The following ZFHX3 variants were observed in gnomAD, a reference collection of about 807,000 sequenced individuals.
The protein encoded by ZFHX3 is zinc finger homeobox 3.
Under a neutral mutation model 279.1 loss-of-function variants are expected in ZFHX3, and 42 were observed. The ratio of observed to expected loss-of-function variants is 0.15; its 90% confidence interval spans 0.12 to 0.19. The LOEUF (loss-of-function observed/expected upper bound fraction) is 0.19, where lower values mean the gene tolerates loss of function less well. Among genes scored for constraint, ZFHX3 ranks in the 10% least tolerant of loss-of-function variants. ZFHX3 has a pLI of 1.00. For synonymous variants in ZFHX3, 2,293 were observed against 1,957.8 expected (o/e 1.17, Z -4.52); for missense variants, 4,981 against 4,754.0 (o/e 1.05, Z -1.40).
At chr16:73,139,570 C>G (rs143506386) in intron 6 of ZFHX3, among the ~76,000 whole-genome samples, 1 of 152,180 alleles carries the variant, frequency 6.6e-6, no homozygotes, top group East Asian at 1.9e-4. Flanking sequence ...TGAGTCATTA[C>G]GCTGTTCTCC....
At chr16:73,324,274 G>C (rs1373039197) in intron 3 of ZFHX3, among the ~76,000 whole-genome samples, 1 of 152,170 alleles carries the variant, frequency 6.6e-6, no homozygotes, top group African/African-American at 2.4e-5. Flanking sequence ...TGGAGGTGAA[G>C]AGGCTTGGCT....
At chr16:73,378,262 T>C (rs2016759327) in intron 3 of ZFHX3, among the ~76,000 whole-genome samples, 1 of 152,086 alleles carries the variant, frequency 6.6e-6, no homozygotes, top group Non-Finnish European at 1.5e-5. Context: ...TTAAAATCTT[T>C]TTGCATTTCA....
chr16:73,649,340 A>G (rs67942203), intron 2 of ZFHX3, among the ~76,000 whole-genome samples: 8,900 of 152,228 alleles, frequency 0.058, 338 homozygotes, highest in Non-Finnish European at 0.087. Flanking sequence ...ATTGTTCTCT[A>G]CTCAACATGT....
chr16:72,812,090 C>T, intron 5 of ZFHX3, 52 bp from the exon 6 acceptor site: 1 of 1,591,960 alleles, frequency 6.3e-7, no homozygotes, highest in Non-Finnish European at 8.5e-7. Flanking sequence ...GGCCAGCTCC[C>T]AGAGGGTTTG....
intron 2 of ZFHX3, among the ~76,000 whole-genome samples, chr16:73,636,803 T>C (rs2052530788): frequency 6.6e-6 from 1 of 152,154 alleles, no homozygotes; most frequent in South Asian, 2.1e-4. Context: ...TATGGAAAGA[T>C]ATGCAATAGT....
chr16:72,805,007 T>C (rs117832780), intron 7 of ZFHX3, among the ~76,000 whole-genome samples: 1,885 of 152,046 alleles, frequency 0.012, 20 homozygotes, highest in South Asian at 0.029. Flanking sequence ...AGAGGGAGTT[T>C]CGCTCTGTTG....
intron 3 of ZFHX3, among the ~76,000 whole-genome samples, chr16:73,367,080 G>A (rs1161819170): frequency 1.3e-5 from 2 of 152,082 alleles, no homozygotes; most frequent in Admixed American, 1.3e-4. Flanking sequence ...TTTCCATCTG[G>A]TCTCCCAGTT....
At chr16:72,933,358 G>C (rs897403030) in intron 3 of ZFHX3, among the ~76,000 whole-genome samples, 8 of 152,168 alleles carry the variant, frequency 5.3e-5, no homozygotes, top group African/African-American at 1.9e-4. Flanking sequence ...AGCAGGGATT[G>C]AGAAGAGACC....
At chr16:73,814,422 A>T (rs1454548734) in intron 1 of ZFHX3, among the ~76,000 whole-genome samples, 1 of 151,950 alleles carries the variant, frequency 6.6e-6, no homozygotes, top group Non-Finnish European at 1.5e-5. Context: ...TAGAGGAAAA[A>T]GTAATCGTGG....
intron 2 of ZFHX3, among the ~76,000 whole-genome samples, chr16:73,525,138 G>C (rs2019670411): frequency 6.6e-6 from 1 of 152,198 alleles, no homozygotes; most frequent in African/African-American, 2.4e-5. Context: ...TACAAGTCAA[G>C]CTTCGGTTTT....
In ZFHX3 at chr16:72,797,733, G is replaced by T. The variant is rs1319900729; in HGVS notation, c.4949C>A (p.Ser1650Tyr). 1 of 1,614,142 alleles carries T rather than the reference G, an allele frequency of 6.2e-7. No homozygotes were observed. The highest frequency in any genetic ancestry group is 8.5e-7 in the Non-Finnish European group (1 of 1,180,030). The change falls in exon 9 of 10, where the codon TCC (serine) becomes TAC (tyrosine). Residue 1650 changes from serine to tyrosine, a missense_variant. By Grantham distance (144) the Ser-to-Tyr change is moderately radical (BLOSUM62 -2). This residue lies in a region of ZFHX3 where 1,751 missense variants were observed against 1,770.0 expected (regional missense o/e 0.99). Coordinates refer to ENST00000268489, the MANE Select transcript of ZFHX3 (RefSeq NM_006885.4). ...ACTGGTGCTCACAGGACTTGGCGTGGAGGAGCTCAAGGAAATACTGCTGCT... is the reference window on the plus strand; with the variant it reads ...ACTGGTGCTCACAGGACTTGGCGTGTAGGAGCTCAAGGAAATACTGCTGCT... ...GNSSSISLSS[S>Y]TPSPVSTSGS...
rs578000484 is a variant in ZFHX3, at chr16:73,706,093, C to G, written c.-1607-25853G>C. On this transcript the variant is annotated intron_variant, in intron 1 of 17. Coordinates refer to the ZFHX3 transcript ENST00000641206. ...GCTGAGGTGGGAGGATCGCTTGAGT[C>G]CAGGAGTTTGAGACCAGCCTGGACA... Among the ~76,000 whole-genome samples the G allele has an allele frequency of 7.2e-4, 109 of 152,034 alleles. 1 individual carries two copies. In the South Asian group the frequency reaches 0.022, roughly 31 times the overall value.
intron 4 of ZFHX3, among the ~76,000 whole-genome samples, chr16:72,887,312 G>A (rs779599556): frequency 6.6e-6 from 1 of 152,054 alleles, no homozygotes; most frequent in Admixed American, 6.5e-5. Context: ...GGCAGAGTAA[G>A]GTTCGCCATG....
Position 72,952,979 on chromosome 16 carries a change from A to C in ZFHX3, c.2720-2014T>G, listed in dbSNP as rs1029944158. On this transcript the variant is annotated intron_variant, in intron 2 of 9. Transcript: ENST00000268489. ...TTTTATGTGTGGTTGGGCTGAGGTT[A>C]TTTTATTTTTTACAACTGATTAGAA... 2.6e-5 allele frequency among the ~76,000 whole-genome samples: 4 copies of C among 152,150 alleles called. No individual in the cohort carries two copies. In the South Asian group the frequency reaches 8.3e-4, roughly 31 times the overall value.
intron 5 of ZFHX3, among the ~76,000 whole-genome samples, chr16:73,147,836 C>A (rs1411365583): frequency 6.6e-6 from 1 of 152,056 alleles, no homozygotes; most frequent in African/African-American, 2.4e-5. Flanking sequence ...CATGCCACTG[C>A]ACTCCAGCCT....
chr16:73,154,111 G>T (rs2144848946), intron 5 of ZFHX3, among the ~76,000 whole-genome samples: 1 of 152,252 alleles, frequency 6.6e-6, no homozygotes, highest in African/African-American at 2.4e-5. Context: ...TCTTTGGTCG[G>T]CATCTCAGTC....
At chr16:73,600,348 G>A (rs1217406823) in intron 2 of ZFHX3, among the ~76,000 whole-genome samples, 3 of 151,532 alleles carry the variant, frequency 2.0e-5, no homozygotes, top group Non-Finnish European at 4.4e-5. Flanking sequence ...TCCCCATTCT[G>A]TTGCTCCTTG....
At chr16:73,360,362 G>A (rs558412855) in intron 3 of ZFHX3, among the ~76,000 whole-genome samples, 1 of 152,136 alleles carries the variant, frequency 6.6e-6, no homozygotes, top group Non-Finnish European at 1.5e-5. Flanking sequence ...GTTGTGAGAC[G>A]AAGGCTTACT....
At chr16:73,546,645 G>A (rs1240227117) in intron 2 of ZFHX3, among the ~76,000 whole-genome samples, 1 of 151,582 alleles carries the variant, frequency 6.6e-6, no homozygotes, top group Non-Finnish European at 1.5e-5. Flanking sequence ...AAGCCATGGT[G>A]TGAGAAAAAG....
Sources: allele counts gnomAD v4.1 joint callset (sites outside exome capture counted in the v4.1 genomes callset), GRCh38; gene constraint gnomAD v4.1.1; regional missense constraint gnomAD v4.1.1; transcripts MANE v1.5; gene names NCBI Gene and HGNC (gene_info 2026-07-23, HGNC 2026-07-21).